The following MIB2 variants were observed in gnomAD, a reference collection of about 807,000 sequenced individuals.
MIB2 encodes the protein E3 ubiquitin-protein ligase MIB2.
A neutral mutation model predicts 96.6 loss-of-function variants in MIB2; 78 were observed. The ratio of observed to expected loss-of-function variants is 0.81; its 90% CI spans 0.67 to 0.97. The LOEUF (loss-of-function observed/expected upper bound fraction) is 0.97. MIB2 is among the 50% of genes least tolerant of loss of function. The pLI is 0.00. For missense variants in MIB2, 1,543 were observed against 1,424.0 expected, an observed-to-expected ratio of 1.08 and a Z score of -1.35; for synonymous variants, 820 against 629.5, an observed-to-expected ratio of 1.30 and a Z score of -4.53.
Position 1,625,979 on chromosome 1 carries a change from C to G in MIB2, c.972+326C>G. ...TGGGCTAAGATGCTCCTGGTTAGTGCTGTATGGGGGCCGATGGGGGTGGCT... is the reference window on the plus strand; with the variant it reads ...TGGGCTAAGATGCTCCTGGTTAGTGGTGTATGGGGGCCGATGGGGGTGGCT... On this transcript the variant is annotated intron_variant, in intron 8 of 19. Transcript: ENST00000355826. This position sits in a 1 kb window ranked among gnomAD's most constrained non-coding sequence, Gnocchi z 5.0. The G allele has an allele frequency of 2.6e-6, 1 of 380,802 alleles. No homozygotes were observed. Among genetic ancestry groups the G allele is most frequent in the Admixed American group, 4.2e-5 (1 of 23,996 alleles). The allele number at this position is 380,802 out of a possible 1,614,324, so 23.6% of individuals were successfully genotyped here. A position where few individuals can be genotyped will look rare whatever the true frequency, so the allele number is the denominator to read the frequency against.
chr1:1,615,289 G>A (rs1643482053), upstream of MIB2: 1 of 1,329,656 alleles, frequency 7.5e-7, no homozygotes, highest in Non-Finnish European at 9.7e-7. Context: ...TCGCTCCCAA[G>A]CCCCCGTCTC....
chr1:1,628,633 C>G lies in MIB2; in HGVS notation c.2113C>G (p.Leu705Val). The G allele has an allele frequency of 6.3e-7, 1 of 1,596,534 alleles. No individual in the cohort carries two copies. The highest frequency in any genetic ancestry group is 1.3e-5 in the African/African-American group (1 of 74,866). The change falls in exon 16 of 20, where the codon CTG (leucine) becomes GTG (valine). Residue 705 changes from leucine (L) to valine (V), a missense_variant. By Grantham distance (32) the Leu-to-Val change is conservative. Transcript: ENST00000355826. ...NAEDEEGDTA[L>V]HVALQRHQLL... ...CGAGGACGAGGAGGGGGACACAGCCCTGCACGTGGCGCTGCAGCGTCATCA... is the reference window on the plus strand; with the variant it reads ...CGAGGACGAGGAGGGGGACACAGCCGTGCACGTGGCGCTGCAGCGTCATCA...
rs1036257137 is a variant in MIB2, at chr1:1,626,622, G to GC, written c.973-24dup. ...CTGGGCAGCCACACACAGCTGGGGG[G>GC]CCCCTCACGCCCCTCTTTGTCGCTC... On this transcript the variant is annotated intron_variant, in intron 8 of 19. Coordinates refer to ENST00000355826, the MANE Select transcript of MIB2 (RefSeq NM_001170687.4). The surrounding 1 kb of genome is among the most constrained non-coding windows in gnomAD (Gnocchi z 5.3). 6.6e-6 allele frequency: 10 copies of GC among 1,509,696 alleles called. No homozygotes were observed. In the African/African-American group the frequency reaches 1.3e-4, roughly 19 times the overall value. The allele number at this position is 1,509,696 out of a possible 1,614,324, so 93.5% of individuals were successfully genotyped here.
At chr1:1,628,442 A>C (rs748459078) in intron 15 of MIB2, 43 bp downstream of exon 15, 1 of 1,600,812 alleles carries the variant, frequency 6.2e-7, no homozygotes, top group Admixed American at 1.7e-5. Flanking sequence ...GGGGAGCGGG[A>C]GGCCCACTGG....
Position 1,625,479 on chromosome 1 carries a change from GC to G in MIB2, c.864+56del. ...GTGTGCCCTGCCCTCCCAGCCCTCC[GC>G]CCCCTCAGCCCCTTCCTCCCCAAGC... is the stretch of plus-strand genomic sequence containing the variant. On this transcript the variant is annotated intron_variant, in intron 7 of 19. Transcript: ENST00000355826. The surrounding 1 kb of genome is among the most constrained non-coding windows in gnomAD (Gnocchi z 5.0). 4 of 742,224 alleles carry G rather than the reference GC, an allele frequency of 5.4e-6. No individual in the cohort carries two copies. The highest frequency in any genetic ancestry group is 6.3e-6 in the Non-Finnish European group (3 of 474,016). 46.0% of individuals were successfully genotyped at this position (742,224 alleles called of 1,614,324 possible). A position where few individuals can be genotyped will look rare whatever the true frequency, so the allele number is the denominator to read the frequency against.
Position 1,629,263 on chromosome 1 carries a change from C to T in MIB2, c.2333C>T (p.Ala778Val), listed in dbSNP as rs1457979201. The T allele has an allele frequency of 1.3e-6, 2 of 1,544,500 alleles. No homozygotes were observed. Among genetic ancestry groups the T allele is most frequent in the Admixed American group, 1.9e-5 (1 of 52,370 alleles). ...HRGRSPLDLA[A>V]EGRVLKALQG... ...GGTCGGAGCCCGCTGGACCTGGCCG[C>T]CGAGGGTCGCGTGCTCAAGGCCCTT... Residue 778 changes from alanine (A) to valine (V), a missense_variant, in exon 17 of 20, where the codon GCC (alanine) becomes GTC (valine). Coordinates refer to ENST00000355826, the MANE Select transcript of MIB2 (RefSeq NM_001170687.4).
chr1:1,621,906 T>A (rs886090134), intron 2 of MIB2, among the ~76,000 whole-genome samples: 5 of 152,218 alleles, frequency 3.3e-5, no homozygotes, highest in African/African-American at 1.2e-4. Flanking sequence ...GGGGACAACC[T>A]GTGGGGCTCA....
chr1:1,625,240 G>C lies in MIB2; in HGVS notation c.722-46G>C, dbSNP rs764683893. 2 of 1,602,154 alleles carry C rather than the reference G, an allele frequency of 1.2e-6. No individual in the cohort carries two copies. The highest frequency in any genetic ancestry group is 1.3e-5 in the African/African-American group (1 of 74,902). Reference sequence around the variant, plus strand: ...CCCTCCTGCCTTGGCTGAAGTCCCAGAGGGGAGGGGCCGCTGCCTGAGGCC... The same window carrying C: ...CCCTCCTGCCTTGGCTGAAGTCCCACAGGGGAGGGGCCGCTGCCTGAGGCC... On this transcript the variant is annotated intron_variant, in intron 6 of 19. Coordinates refer to ENST00000355826, the MANE Select transcript of MIB2 (RefSeq NM_001170687.4). This position sits in a 1 kb window ranked among gnomAD's most constrained non-coding sequence, Gnocchi z 5.0.
At chr1:1,620,191 C>T (rs941977964) in intron 2 of MIB2, among the ~76,000 whole-genome samples, 6 of 152,232 alleles carry the variant, frequency 3.9e-5, no homozygotes, top group Admixed American at 1.3e-4. Context: ...GCCAGCGGGT[C>T]GGGCAGGTGT....
Position 1,626,691 on chromosome 1 carries a change from C to T in MIB2, c.1014C>T (p.Gly338=), listed in dbSNP as rs534839577. The change falls in exon 9 of 20, where the codon GGC becomes GGT. Residue 338 remains glycine, a synonymous_variant. Transcript: ENST00000355826. The surrounding 1 kb of genome is among the most constrained non-coding windows in gnomAD (Gnocchi z 5.3). ...TGGGCGACGTGGTCCGGGTCATCGG[C>T]GACCTTGACACAGTGAAGCGGCTGC... ...FWVGDVVRVI[G]DLDTVKRLQA... The T allele has an allele frequency of 9.4e-6, 15 of 1,596,696 alleles. No homozygotes were observed. Among genetic ancestry groups the T allele is most frequent in the African/African-American group, 1.3e-5 (1 of 74,608 alleles).
rs946820255 is a variant in MIB2 at position 1,626,528 on chromosome 1, C to G, written c.973-122C>G. The G allele has an allele frequency of 1.0e-5, 8 of 778,010 alleles. No individual in the cohort carries two copies. The highest frequency in any genetic ancestry group is 1.6e-5 in the Non-Finnish European group (8 of 505,006). The allele number at this position is 778,010 out of a possible 1,614,324, so 48.2% of individuals were successfully genotyped here. A position where few individuals can be genotyped will look rare whatever the true frequency, so the allele number is the denominator to read the frequency against. On this transcript the variant is annotated intron_variant, in intron 8 of 19. Coordinates refer to ENST00000355826, the MANE Select transcript of MIB2 (RefSeq NM_001170687.4). The surrounding 1 kb of genome is among the most constrained non-coding windows in gnomAD (Gnocchi z 5.3). ...CTCTGGCAGTGCCTGGGGTCGGGGTCGGGGCCGGGGCCGAGTCAGGCCTGC... is the reference window on the plus strand; with the variant it reads ...CTCTGGCAGTGCCTGGGGTCGGGGTGGGGGCCGGGGCCGAGTCAGGCCTGC...
chr1:1,622,664 C>T (rs1375049395), intron 2 of MIB2, among the ~76,000 whole-genome samples: 4 of 152,212 alleles, frequency 2.6e-5, no homozygotes, highest in Admixed American at 6.5e-5. Context: ...TTCAGGACCC[C>T]GTGGCCACTG....
rs1638272195 is a variant in MIB2 at position 1,629,441 on chromosome 1, C to T, written c.2438C>T (p.Pro813Leu). Residue 813 changes from proline (P) to leucine (L), a missense_variant, in exon 18 of 20, where the codon CCC becomes CTC. Pro to Leu is a moderately conservative substitution (Grantham distance 98). Transcript: ENST00000355826. ...GGCCCCAGGCAAACGCTCGGGACCC[C>T]CAACACCGTGACGAACCTGCACGTG... Reference protein sequence around the residue: ...APGPRQTLGTPNTVTNLHVGA... With the variant: ...APGPRQTLGTLNTVTNLHVGA... 6.5e-7 allele frequency: 1 copy of T among 1,529,684 alleles called. No homozygotes were observed. Among genetic ancestry groups the T allele is most frequent in the South Asian group, 1.2e-5 (1 of 83,476 alleles). 94.8% of individuals were successfully genotyped at this position (1,529,684 alleles called of 1,614,324 possible).
At chr1:1,629,766 T>TCCCCCA (rs1638381599) in intron 19 of MIB2, 62 bp downstream of exon 19, 1 of 1,457,984 alleles carries the variant, frequency 6.9e-7, no homozygotes, top group Non-Finnish European at 9.1e-7. Flanking sequence ...CGGGTCCCCG[T>TCCCCCA]CCCCCACCCC....
In MIB2 at chr1:1,627,014, A is replaced by C. The variant is rs753495989; in HGVS notation, c.1240+15A>C. ...GGAGAACAAAAGTGCGGCACAGCTC[A>C]GGCGGCCAGTGGGAGGTGGGGCTGC... On this transcript the variant is annotated intron_variant, in intron 10 of 19. Transcript: ENST00000355826. The C allele has an allele frequency of 6.8e-6, 11 of 1,608,964 alleles. No homozygotes were observed. In the African/African-American group the frequency reaches 1.3e-4, roughly 20 times the overall value.
chr1:1,630,546 G>A lies in MIB2; in HGVS notation c.*16G>A. 6.5e-7 allele frequency: 1 copy of A among 1,541,620 alleles called. No individual in the cohort carries two copies. The highest frequency in any genetic ancestry group is 8.7e-7 in the Non-Finnish European group (1 of 1,150,922). On this transcript the variant is annotated 3_prime_UTR_variant, in exon 20 of 20. Transcript: ENST00000355826. Reference sequence around the variant, plus strand: ...CTTCGTGTGAGCCGCGCCGTCCGCCGCGCCCGAGCTGCCTTCGCGTGCCCC... The same window carrying A: ...CTTCGTGTGAGCCGCGCCGTCCGCCACGCCCGAGCTGCCTTCGCGTGCCCC...
chr1:1,626,876 G>A lies in MIB2; in HGVS notation c.1117G>A (p.Asp373Asn). The A allele has an allele frequency of 6.2e-7, 1 of 1,605,358 alleles. No individual in the cohort carries two copies. Residue 373 changes from aspartate to asparagine, a missense_variant, in exon 10 of 20, where the codon GAC becomes AAC. By Grantham distance (23) the Asp-to-Asn change is conservative. Transcript: ENST00000355826. This position sits in a 1 kb window ranked among gnomAD's most constrained non-coding sequence, Gnocchi z 5.3. ...RVGKVVKVFG[D>N]GNLRVAVAGQ... is the part of the protein sequence containing the mutation. ...CGGGAAGGTGGTGAAAGTGTTTGGA[G>A]ACGGGAACCTGCGTGTAGCAGTCGC...
intron 2 of MIB2, among the ~76,000 whole-genome samples, chr1:1,622,661 C>T (rs1644364051): frequency 6.6e-6 from 1 of 152,228 alleles, no homozygotes; most frequent in Non-Finnish European, 1.5e-5. Flanking sequence ...CGCTTCAGGA[C>T]CCCGTGGCCA....
At position 1,626,586 on chromosome 1, in the gene MIB2, G is replaced by A. The variant is rs897570789; in HGVS notation, c.973-64G>A. 42 of 1,387,666 alleles carry A rather than the reference G, an allele frequency of 3.0e-5. No individual in the cohort carries two copies. Among genetic ancestry groups the A allele is most frequent in the Non-Finnish European group, 3.9e-5 (41 of 1,039,410 alleles). The allele number at this position is 1,387,666 out of a possible 1,614,324, so 86.0% of individuals were successfully genotyped here. A position where few individuals can be genotyped will look rare whatever the true frequency, so the allele number is the denominator to read the frequency against. ...GTGGAGCTCAGCAGGTTGCCCTCCT[G>A]TTGCATGAGCCTGGGCAGCCACACA... On this transcript the variant is annotated intron_variant, in intron 8 of 19. Transcript: ENST00000355826. This position sits in a 1 kb window ranked among gnomAD's most constrained non-coding sequence, Gnocchi z 5.3.
Sources: gnomAD v4.1 joint callset for allele counts (sites outside exome capture counted in the v4.1 genomes callset) on GRCh38, gnomAD v4.1.1 for gene constraint, Gnocchi (gnomAD v3.1) non-coding constraint, MANE v1.5 for transcripts, NCBI Gene and HGNC (gene_info 2026-07-23, HGNC 2026-07-21) for gene names.